The following ALPL variants were observed in gnomAD, a reference collection of about 807,000 sequenced individuals.
The protein encoded by ALPL is alkaline phosphatase, tissue-nonspecific isozyme.
Under a neutral mutation model 51.3 loss-of-function variants are expected in ALPL, and 42 were observed. The ratio of observed to expected loss-of-function variants is 0.82; its 90% CI spans 0.64 to 1.06. The LOEUF (loss-of-function observed/expected upper bound fraction) is 1.06, where lower values mean the gene tolerates loss of function less well. Among genes scored for constraint, ALPL ranks in the 50% least tolerant of loss-of-function variants. ALPL has a pLI of 0.00. For missense variants in ALPL, 589 were observed against 709.4 expected (o/e 0.83, Z 1.93); for synonymous variants, 279 against 296.4 (o/e 0.94, Z 0.60).
At chr1:21,523,999 C>CTTTT (rs10571494) in intron 1 of ALPL, among the ~76,000 whole-genome samples, 43 of 94,546 alleles carry the variant, frequency 4.5e-4, no homozygotes, top group African/African-American at 5.8e-4. Flanking sequence ...CAAATCTCTG[C>CTTTT]TTTTTTTTTT....
At chr1:21,554,907 C>A (rs1324850762) in intron 2 of ALPL, among the ~76,000 whole-genome samples, 1 of 94,928 alleles carries the variant, frequency 1.1e-5, no homozygotes, top group Non-Finnish European at 2.1e-5. Flanking sequence ...TTCTTTCTTT[C>A]TCTTTTCTTT....
chr1:21,534,310 A>G (rs1644069426), intron 1 of ALPL, among the ~76,000 whole-genome samples: 1 of 152,260 alleles, frequency 6.6e-6, no homozygotes, highest in Non-Finnish European at 1.5e-5. Context: ...GCCCTTGGCC[A>G]TATGCAAGAT....
chr1:21,575,903 C>A lies in ALPL; in HGVS notation c.1168C>A (p.Pro390Thr), dbSNP rs1644723734. 6.2e-7 allele frequency: 1 copy of A among 1,614,204 alleles called. No individual in the cohort carries two copies. Among genetic ancestry groups the A allele is most frequent in the African/African-American group, 1.3e-5 (1 of 75,050 alleles). ...CGTCTTCACATTTGGTGGATACACC[C>A]CCCGTGGCAACTCTATCTTTGGTAG... ...SHVFTFGGYT[P>T]RGNSIFGLAP... The change falls in exon 10 of 12, where the codon CCC becomes ACC. Residue 390 changes from proline to threonine, a missense_variant. Coordinates refer to ENST00000374840, the MANE Select transcript of ALPL (RefSeq NM_000478.6).
At chr1:21,522,951 G>A (rs1643898658) in intron 1 of ALPL, among the ~76,000 whole-genome samples, 2 of 152,148 alleles carry the variant, frequency 1.3e-5, no homozygotes, top group African/African-American at 4.8e-5. Flanking sequence ...AGATATTATT[G>A]TCATTGTCCC....
intron 2 of ALPL, among the ~76,000 whole-genome samples, 165 bp downstream of exon 2, chr1:21,554,307 G>T (rs1034314519): frequency 5.5e-5 from 8 of 145,292 alleles, no homozygotes; most frequent in South Asian, 2.2e-4. Context: ...GTGTTAGTTG[G>T]ATAGGTCACT....
chr1:21,569,348 A>G (rs1570287491), intron 7 of ALPL, among the ~76,000 whole-genome samples: 1 of 152,272 alleles, frequency 6.6e-6, no homozygotes, highest in Admixed American at 6.5e-5. Context: ...GAGCGTCTAC[A>G]CCATGGCCCC....
At chr1:21,525,679 G>A (rs1643931876) in intron 1 of ALPL, among the ~76,000 whole-genome samples, 1 of 152,104 alleles carries the variant, frequency 6.6e-6, no homozygotes, top group Admixed American at 6.6e-5. Context: ...GATCTGCCCT[G>A]GATTTTGCCT....
At chr1:21,516,847 T>C (rs1284447556) in intron 1 of ALPL, among the ~76,000 whole-genome samples, 1 of 152,216 alleles carries the variant, frequency 6.6e-6, no homozygotes, top group Non-Finnish European at 1.5e-5. Flanking sequence ...CTTTTCCCCA[T>C]GACCTAATCC....
At chr1:21,574,927 A>G (rs543603309) in intron 9 of ALPL, among the ~76,000 whole-genome samples, 2 of 152,368 alleles carry the variant, frequency 1.3e-5, no homozygotes, top group African/African-American at 4.8e-5. Context: ...CCAAGCTGGG[A>G]GTGTCCACCA....
At chr1:21,518,982 G>T (rs1191944202) in intron 1 of ALPL, among the ~76,000 whole-genome samples, 2 of 152,230 alleles carry the variant, frequency 1.3e-5, no homozygotes, top group Non-Finnish European at 2.9e-5. Flanking sequence ...CATCTGACTA[G>T]AGAGCCTGTC....
rs992427982 is a variant in ALPL, at chr1:21,551,684, G to A, written c.-104-2294G>A. Among the ~76,000 whole-genome samples the A allele has an allele frequency of 4.1e-5, 6 of 146,616 alleles. No homozygotes were observed. In the East Asian group the frequency reaches 1.2e-3, roughly 30 times the overall value. ...CGCTACCCCCAGCCCCTACCCCAGA[G>A]CCGTCACTTCTGGCACTGGAGCGCA... On this transcript the variant is annotated intron_variant, in intron 1 of 11. Coordinates refer to ENST00000374840, the MANE Select transcript of ALPL (RefSeq NM_000478.6).
intron 2 of ALPL, among the ~76,000 whole-genome samples, chr1:21,554,810 TG>T (rs1198667928): frequency 0.048 from 604 of 12,608 alleles, 2 homozygotes; most frequent in African/African-American, 0.067. Flanking sequence ...TCTGTCTGTC[TG>T]TCTGTCTTTC....
chr1:21,513,604 A>G (rs1643734242), intron 1 of ALPL, among the ~76,000 whole-genome samples: 1 of 152,076 alleles, frequency 6.6e-6, no homozygotes, highest in Non-Finnish European at 1.5e-5. Context: ...AATGTATTCA[A>G]CTGGTCCTCA....
intron 1 of ALPL, among the ~76,000 whole-genome samples, chr1:21,516,921 A>T (rs767593253): frequency 4.6e-5 from 7 of 152,214 alleles, no homozygotes; most frequent in African/African-American, 1.7e-4. Flanking sequence ...GAAAAATATC[A>T]TAAGTAGAAA....
intron 1 of ALPL, among the ~76,000 whole-genome samples, chr1:21,522,366 A>ACG (rs1558527841): frequency 4.6e-5 from 7 of 152,050 alleles, no homozygotes; most frequent in Non-Finnish European, 7.4e-5. Flanking sequence ...GAGCCACTGC[A>ACG]CCCGGCCAGG....
chr1:21,514,205 G>C (rs1353612526), intron 1 of ALPL, among the ~76,000 whole-genome samples: 1 of 152,178 alleles, frequency 6.6e-6, no homozygotes, highest in African/African-American at 2.4e-5. Context: ...GGGGGTGATA[G>C]AGCATCTACC....
In ALPL at chr1:21,553,849, C is replaced by G. The variant is rs918821411; in HGVS notation, c.-104-129C>G. 2.3e-5 allele frequency: 13 copies of G among 564,364 alleles called. No homozygotes were observed. In the Admixed American group the frequency reaches 2.6e-4, roughly 11 times the overall value. The allele number at this position is 564,364 out of a possible 1,614,324, so 35.0% of individuals were successfully genotyped here. A position where few individuals can be genotyped will look rare whatever the true frequency, so the allele number is the denominator to read the frequency against. On this transcript the variant is annotated intron_variant, in intron 1 of 11. Coordinates refer to ENST00000374840, the MANE Select transcript of ALPL (RefSeq NM_000478.6). ...TGGGTTTGGCATCCCAATGTTGAGC[C>G]CCATGCCTGGTCTGTAATAGGTGCT...
chr1:21,530,178 G>A (rs1644009228), intron 1 of ALPL, among the ~76,000 whole-genome samples: 1 of 152,092 alleles, frequency 6.6e-6, no homozygotes, highest in Non-Finnish European at 1.5e-5. Flanking sequence ...TAGCAGCCAG[G>A]GAAAACGTAT....
chr1:21,516,696 A>C (rs968451738), intron 1 of ALPL, among the ~76,000 whole-genome samples: 3 of 152,216 alleles, frequency 2.0e-5, no homozygotes, highest in African/African-American at 7.2e-5. Flanking sequence ...ATTTATCTTA[A>C]AACCATCCAA....
Sources: gnomAD v4.1 joint callset for allele counts (sites outside exome capture counted in the v4.1 genomes callset) on GRCh38, gnomAD v4.1.1 for gene constraint, MANE v1.5 for transcripts, NCBI Gene and HGNC (gene_info 2026-07-23, HGNC 2026-07-21) for gene names.